DDX42: variants seen among roughly 807,000 people sequenced by gnomAD.
DDX42 encodes the protein ATP-dependent RNA helicase DDX42.
DDX42 carries 22 observed loss-of-function variants against 101.5 expected under a neutral mutation model. That is an observed-to-expected ratio of 0.22 (90% CI 0.15 to 0.31). The LOEUF is 0.31. DDX42 is among the 10% of genes least tolerant of loss of function. DDX42 has a pLI of 1.00. For missense variants in DDX42, 849 were observed against 1,199.9 expected (o/e 0.71, Z 4.32); for synonymous variants, 402 against 401.2 (o/e 1.00, Z -0.02).
In DDX42 at chr17:63,812,039, C is replaced by T. The variant is rs2039916784; in HGVS notation, c.1506C>T (p.Leu502=). The change falls in exon 14 of 18, where the codon CTC becomes CTT. Residue 502 remains leucine (L), a synonymous_variant. Coordinates refer to ENST00000389924, the MANE Select transcript of DDX42 (RefSeq NM_203499.3). ...AATTTACCTCTTCAGGGAGTGTCCTCCTCTTTGTTACTAAAAAAGCCAATG... is the reference window on the plus strand; with the variant it reads ...AATTTACCTCTTCAGGGAGTGTCCTTCTCTTTGTTACTAAAAAAGCCAATG... ...LVEFTSSGSV[L]LFVTKKANAE... The T allele has an allele frequency of 1.9e-6, 3 of 1,614,074 alleles. No individual in the cohort carries two copies. In the African/African-American group the frequency reaches 4.0e-5, roughly 22 times the overall value.
In DDX42 at chr17:63,792,485, C is replaced by G; in HGVS notation, c.295C>G (p.Arg99Gly). The G allele has an allele frequency of 6.2e-7, 1 of 1,613,878 alleles. No homozygotes were observed. The highest frequency in any genetic ancestry group is 1.1e-5 in the South Asian group (1 of 91,038). ...PYIPAENSPT[R>G]QQFHSKPVDS... is the part of the protein sequence containing the mutation. The stretch of plus-strand genomic sequence containing the variant: ...CATTCCTGCTGAAAACTCACCAACT[C>G]GCCAGCAATTCCATTCCAAGCCAGT... Residue 99 changes from arginine to glycine, a missense_variant, in exon 3 of 18, where the codon CGC becomes GGC. By Grantham distance (125) the Arg-to-Gly change is moderately radical. This residue lies in a region of DDX42 where 370 missense variants were observed against 608.8 expected (regional missense o/e 0.61). Transcript: ENST00000389924.
intron 1 of DDX42, among the ~76,000 whole-genome samples, chr17:63,777,428 G>A (rs529796759): frequency 3.9e-5 from 6 of 151,908 alleles, no homozygotes; most frequent in African/African-American, 1.2e-4. Context: ...TTTGAGGAAG[G>A]AGATGCCATT....
chr17:63,805,407 T>G (rs1026328030), intron 7 of DDX42: 1 of 478,136 alleles, frequency 2.1e-6, no homozygotes, highest in Non-Finnish European at 3.5e-6. Flanking sequence ...TCAGTCAGTT[T>G]TATATGTTCT....
intron 17 of DDX42, chr17:63,817,454 G>T: frequency 2.1e-6 from 1 of 469,722 alleles, no homozygotes. Context: ...CTTTATTCTA[G>T]CCAATCAGGC....
intron 14 of DDX42, among the ~76,000 whole-genome samples, chr17:63,812,412 T>A (rs1009108300): frequency 5.9e-5 from 9 of 152,144 alleles, no homozygotes; most frequent in African/African-American, 2.2e-4. Context: ...ACTTAGTATT[T>A]CTCTCTAATC....
intron 1 of DDX42, chr17:63,776,002 T>C (rs916037462): frequency 3.3e-5 from 5 of 152,194 alleles, no homozygotes; most frequent in African/African-American, 1.2e-4. Context: ...TGTGATTACG[T>C]TCTTGAGTTT....
rs1286764318 is a variant in DDX42, at chr17:63,811,066, T to C, written c.1301-10T>C. The C allele has an allele frequency of 1.9e-6, 3 of 1,611,234 alleles. No homozygotes were observed. The highest frequency in any genetic ancestry group is 2.5e-6 in the Non-Finnish European group (3 of 1,178,116). On this transcript the variant is annotated splice_polypyrimidine_tract_variant and intron_variant, in intron 12 of 17. Transcript: ENST00000389924. ...ATTGTTTCTCTAACAGAATTTATCT[T>C]ACCTTTTAGCTCTCTTATTTAGTGC...
chr17:63,789,372 C>A (rs1336250022), intron 2 of DDX42, among the ~76,000 whole-genome samples: 1 of 152,050 alleles, frequency 6.6e-6, no homozygotes, highest in Admixed American at 6.6e-5. Flanking sequence ...AGCCACCATG[C>A]CTGGCCAATT....
Position 63,812,002 on chromosome 17 carries a change from G to A in DDX42, c.1469G>A (p.Arg490Gln), listed in dbSNP as rs1327403403. 5 of 1,614,084 alleles carry A rather than the reference G, an allele frequency of 3.1e-6. No individual in the cohort carries two copies. The highest frequency in any genetic ancestry group is 1.6e-4 in the Middle Eastern group (1 of 6,084). ...CCTAGTAAATGGAACTGGCTTACCC[G>A]GCGTCTGGTAGAATTTACCTCTTCA... The part of the protein sequence containing the change: ...SGPSKWNWLT[R>Q]RLVEFTSSGS... Residue 490 changes from arginine to glutamine, a missense_variant, in exon 14 of 18, where the codon CGG (arginine) becomes CAG (glutamine). Physicochemically the swap from Arg to Gln is conservative, Grantham distance 43. This residue lies in a region of DDX42 where 370 missense variants were observed against 608.8 expected (regional missense o/e 0.61). Transcript: ENST00000389924.
At chr17:63,812,339 ACCCC>A in intron 14 of DDX42, 131 bp downstream of exon 14, 1 of 1,135,492 alleles carries the variant, frequency 8.8e-7, no homozygotes, top group Non-Finnish European at 1.2e-6. Flanking sequence ...CCCCTCCCAA[ACCCC>A]CAAGGAAGCA....
intron 1 of DDX42, among the ~76,000 whole-genome samples, chr17:63,782,595 C>T (rs1294912487): frequency 1.3e-5 from 2 of 152,164 alleles, no homozygotes; most frequent in Admixed American, 1.3e-4. Flanking sequence ...AGCTTCCACA[C>T]CAATTACTGG....
At chr17:63,810,482 TATA>T (rs2039896799) in intron 11 of DDX42, 28 bp from the exon 12 acceptor site, 1 of 1,611,158 alleles carries the variant, frequency 6.2e-7, no homozygotes, top group African/African-American at 1.3e-5. Context: ...TATTTCAGGT[TATA>T]ATAATTTTAT....
chr17:63,795,063 C>T (rs1333581975), intron 3 of DDX42, among the ~76,000 whole-genome samples: 1 of 151,790 alleles, frequency 6.6e-6, no homozygotes, highest in African/African-American at 2.4e-5. Flanking sequence ...AGAAATAATC[C>T]AAGATTAATG....
At chr17:63,780,126 A>G (rs1329874050) in intron 1 of DDX42, among the ~76,000 whole-genome samples, 1 of 152,108 alleles carries the variant, frequency 6.6e-6, no homozygotes, top group East Asian at 1.9e-4. Flanking sequence ...GAGAAACCCC[A>G]TCTCTCCTAA....
chr17:63,774,237 TGGTGGTGGCGGC>T lies in DDX42; in HGVS notation c.-153_-142del. 5.4e-6 allele frequency: 1 copy of T among 185,090 alleles called. No individual in the cohort carries two copies. The highest frequency in any genetic ancestry group is 8.8e-6 in the Non-Finnish European group (1 of 113,500). 11.5% of individuals were successfully genotyped at this position (185,090 alleles called of 1,614,324 possible). On this transcript the variant is annotated 5_prime_UTR_variant, in exon 1 of 18. Coordinates refer to ENST00000389924, the MANE Select transcript of DDX42 (RefSeq NM_203499.3). ...GTGGTGGCGGTGGCGGCGGCGGTGG[TGGTGGTGGCGGC>T]GGCGGCGGCGAAGGGGGCGGAGAGG...
At chr17:63,811,417 T>G in intron 13 of DDX42, 1 of 424,354 alleles carries the variant, frequency 2.4e-6, no homozygotes, top group Non-Finnish European at 4.2e-6. Flanking sequence ...TTTTTTTGTT[T>G]TATTGAATGT....
Position 63,798,536 on chromosome 17 carries a change from G to A in DDX42, c.434+437G>A, listed in dbSNP as rs554428058. ...TTTGAACAACACAGGTTTGAACTGC[G>A]TGAGTCCACTCATGGGGATTTTTTT... On this transcript the variant is annotated intron_variant, in intron 4 of 17. Coordinates refer to ENST00000389924, the MANE Select transcript of DDX42 (RefSeq NM_203499.3). Among the ~76,000 whole-genome samples, 23 of 152,314 alleles carry A rather than the reference G, an allele frequency of 1.5e-4. No individual in the cohort carries two copies. In the South Asian group the frequency reaches 4.1e-3, roughly 27 times the overall value.
In DDX42 at chr17:63,814,691, T is replaced by TC. The variant is rs1179575489; in HGVS notation, c.1903-872_1903-871insC. Among the ~76,000 whole-genome samples the TC allele has an allele frequency of 8.5e-4, 122 of 143,156 alleles. 1 individual carries two copies. The highest frequency in any genetic ancestry group is 3.1e-3 in the African/African-American group (119 of 38,276). 93.9% of individuals were successfully genotyped at this position (143,156 alleles called of 152,430 possible). Reference sequence around the variant, plus strand: ...AGACATTTGCTTTTTTTTTTTTTTTTTTTTTTTCTTTTTTCTGAGATGGAG... The same window carrying TC: ...AGACATTTGCTTTTTTTTTTTTTTTTCTTTTTTTCTTTTTTCTGAGATGGAG... On this transcript the variant is annotated intron_variant, in intron 15 of 17. Transcript: ENST00000389924.
chr17:63,815,135 C>G (rs1006726886), intron 15 of DDX42, among the ~76,000 whole-genome samples: 2 of 152,228 alleles, frequency 1.3e-5, no homozygotes, highest in African/African-American at 2.4e-5. Context: ...ATAAGCCTCA[C>G]TTCACATAGC....
Sources: gnomAD v4.1 joint callset for allele counts (sites outside exome capture counted in the v4.1 genomes callset) on GRCh38, gnomAD v4.1.1 for gene constraint, gnomAD v4.1.1 regional missense constraint, MANE v1.5 for transcripts, NCBI Gene and HGNC (gene_info 2026-07-23, HGNC 2026-07-21) for gene names.